Variants in SLC2A9 observed in about 807,000 individuals in gnomAD.
SLC2A9 encodes the protein solute carrier family 2 member 9.
Under a neutral mutation model 50.6 loss-of-function variants are expected in SLC2A9, and 39 were observed. The ratio of observed to expected loss-of-function variants is 0.77; its 90% confidence interval spans 0.60 to 1.01. SLC2A9 has a LOEUF of 1.01. Ranked by LOEUF, SLC2A9 falls within the 50% of genes least tolerant of loss-of-function variation. The pLI is 0.00. For missense variants in SLC2A9, 686 were observed against 677.6 expected (o/e 1.01, Z -0.14); for synonymous variants, 324 against 276.9 (o/e 1.17, Z -1.69).
chr4:9,931,549 T>C lies in SLC2A9; in HGVS notation c.814+10364A>G, dbSNP rs190154205. Among the ~76,000 whole-genome samples, 43 of 152,098 alleles carry C rather than the reference T, an allele frequency of 2.8e-4. No individual in the cohort carries two copies. In the East Asian group the frequency reaches 6.2e-3, roughly 22 times the overall value. On this transcript the variant is annotated intron_variant, in intron 6 of 11. Coordinates refer to ENST00000264784, the MANE Select transcript of SLC2A9 (RefSeq NM_020041.3). ...TACAGAAACAGCCCTTCAAGGCGAGTGTGTTTCAGTCCACAGCTTCAGGGA... is the reference window on the plus strand; with the variant it reads ...TACAGAAACAGCCCTTCAAGGCGAGCGTGTTTCAGTCCACAGCTTCAGGGA...
chr4:10,027,082 G>A (rs1763780603), intron 1 of SLC2A9, among the ~76,000 whole-genome samples: 1 of 151,970 alleles, frequency 6.6e-6, no homozygotes, highest in African/African-American at 2.4e-5. Context: ...CACAAAAAGC[G>A]ACATCTTTTA....
At chr4:10,015,940 G>A (rs1762536043) in intron 2 of SLC2A9, among the ~76,000 whole-genome samples, 1 of 152,218 alleles carries the variant, frequency 6.6e-6, no homozygotes, top group South Asian at 2.1e-4. Flanking sequence ...TTCAAAGGCA[G>A]AGAGCACATG....
intron 10 of SLC2A9, among the ~76,000 whole-genome samples, chr4:9,849,756 C>G (rs971104671): frequency 4.6e-5 from 7 of 152,114 alleles, no homozygotes; most frequent in Admixed American, 2.6e-4. Context: ...CAGAACAAAC[C>G]TACAGTGATG....
intron 1 of SLC2A9, 96 bp downstream of exon 1, chr4:10,021,184 G>T (rs914228270): frequency 5.4e-6 from 7 of 1,307,420 alleles, no homozygotes; most frequent in African/African-American, 1.4e-5. Flanking sequence ...CCAGCTACAC[G>T]CTGCCAGGCT....
At chr4:9,988,077 C>G (rs1319597339) in intron 3 of SLC2A9, among the ~76,000 whole-genome samples, 1 of 152,246 alleles carries the variant, frequency 6.6e-6, no homozygotes, top group African/African-American at 2.4e-5. Flanking sequence ...CTTGTCTTCT[C>G]TGTTGCTCCT....
chr4:9,871,675 C>G (rs1733461238), intron 10 of SLC2A9, among the ~76,000 whole-genome samples: 1 of 152,158 alleles, frequency 6.6e-6, no homozygotes, highest in Non-Finnish European at 1.5e-5. Context: ...TATTTCTAAC[C>G]AAGGTCACAT....
intron 1 of SLC2A9, among the ~76,000 whole-genome samples, chr4:10,039,965 C>G (rs1764230592): frequency 6.6e-6 from 1 of 152,374 alleles, no homozygotes; most frequent in East Asian, 1.9e-4. Flanking sequence ...TCTGCACCCA[C>G]CTGCCCCTGG....
intron 3 of SLC2A9, among the ~76,000 whole-genome samples, chr4:9,809,673 G>GGTTAAATA (rs1177832285): frequency 6.6e-6 from 1 of 152,128 alleles, no homozygotes. Context: ...TTTCCTCACT[G>GGTTAAATA]GTTAAATAGT....
chr4:9,889,864 G>A (rs62293301), intron 9 of SLC2A9, among the ~76,000 whole-genome samples: 17,592 of 152,204 alleles, frequency 0.12, 1,177 homozygotes, highest in African/African-American at 0.15. Flanking sequence ...CCCAGGATCC[G>A]GGGATCTAAT....
chr4:9,894,655 T>A (rs994970410), intron 8 of SLC2A9, among the ~76,000 whole-genome samples: 2 of 152,202 alleles, frequency 1.3e-5, no homozygotes, highest in African/African-American at 2.4e-5. Flanking sequence ...TGGTACAATC[T>A]AAAGATGTCA....
intron 2 of SLC2A9, among the ~76,000 whole-genome samples, chr4:9,997,712 G>A (rs1758953530): frequency 6.9e-6 from 1 of 145,614 alleles, no homozygotes; most frequent in African/African-American, 2.7e-5. Context: ...AAGAAAAGTG[G>A]GGGGGCACAT....
At chr4:9,787,843 T>C (rs113033133) in intron 3 of SLC2A9, among the ~76,000 whole-genome samples, 3 of 152,178 alleles carry the variant, frequency 2.0e-5, no homozygotes, top group Non-Finnish European at 2.9e-5. Flanking sequence ...CTGTAGCTCA[T>C]GGCATGAGGG....
At chr4:9,987,785 G>A (rs992429789) in intron 3 of SLC2A9, among the ~76,000 whole-genome samples, 2 of 152,004 alleles carry the variant, frequency 1.3e-5, no homozygotes, top group African/African-American at 4.8e-5. Flanking sequence ...CCAAGATCAT[G>A]CCACCGCACT....
At chr4:9,954,139 T>C (rs1327136761) in intron 5 of SLC2A9, among the ~76,000 whole-genome samples, 8 of 152,126 alleles carry the variant, frequency 5.3e-5, no homozygotes, top group African/African-American at 1.9e-4. Flanking sequence ...GGTTTTGCCA[T>C]GTTGCCCAGG....
upstream of SLC2A9, among the ~76,000 whole-genome samples, chr4:10,025,323 A>G (rs1291811340): frequency 1.3e-5 from 2 of 152,168 alleles, no homozygotes; most frequent in South Asian, 4.1e-4. Context: ...CGCCTGTAAA[A>G]TAGGGCCAGT....
chr4:9,810,536 C>T (rs1373310992), intron 3 of SLC2A9, among the ~76,000 whole-genome samples: 1 of 152,200 alleles, frequency 6.6e-6, no homozygotes, highest in African/African-American at 2.4e-5. Flanking sequence ...AAATGAATCA[C>T]ACCTACTAGT....
downstream of SLC2A9, among the ~76,000 whole-genome samples, chr4:9,796,321 C>A (rs1720592606): frequency 6.6e-6 from 1 of 152,224 alleles, no homozygotes; most frequent in Non-Finnish European, 1.5e-5. Context: ...TCATTCCCAT[C>A]TCCACAGCCC....
intron 8 of SLC2A9, among the ~76,000 whole-genome samples, chr4:9,901,073 A>G (rs1377077782): frequency 9.2e-5 from 14 of 152,344 alleles, no homozygotes; most frequent in African/African-American, 3.1e-4. Context: ...AGCTCTGAAC[A>G]TGAAAAGCCA....
intron 10 of SLC2A9, among the ~76,000 whole-genome samples, chr4:9,871,200 G>C (rs1733372061): frequency 6.6e-6 from 1 of 152,098 alleles, no homozygotes; most frequent in Non-Finnish European, 1.5e-5. Context: ...AGAGTCAGAT[G>C]GTGGAAATCA....
Sources: gnomAD v4.1 joint callset for allele counts (sites outside exome capture counted in the v4.1 genomes callset) on GRCh38, gnomAD v4.1.1 for gene constraint, MANE v1.5 for transcripts, NCBI Gene and HGNC (gene_info 2026-07-23, HGNC 2026-07-21) for gene names.